PDE10A: variants seen among roughly 807,000 people sequenced by gnomAD.
The protein encoded by PDE10A is cAMP and cAMP-inhibited cGMP 3',5'-cyclic phosphodiesterase 10A.
PDE10A carries 39 observed loss-of-function variants against 97.7 expected under a neutral mutation model. The ratio of observed to expected loss-of-function variants is 0.40; its 90% CI spans 0.31 to 0.52. PDE10A has a LOEUF of 0.52. Ranked by LOEUF, PDE10A falls within the 20% of genes least tolerant of loss-of-function variation. The probability of loss-of-function intolerance (pLI) is 0.56; values close to 1 mark genes in which losing one functional copy is unlikely to be tolerated. For missense variants in PDE10A, 731 were observed against 1,047.8 expected, an observed-to-expected ratio of 0.70 and a Z score of 4.17; for synonymous variants, 371 against 376.8, an observed-to-expected ratio of 0.98 and a Z score of 0.18.
At position 165,778,578 on chromosome 6, in the gene PDE10A, G is replaced by C. The variant is rs148301843; in HGVS notation, c.-615+208951C>G. Among the ~76,000 whole-genome samples, 392 of 152,302 alleles carry C rather than the reference G, an allele frequency of 2.6e-3. 2 individuals are homozygous for C. The highest frequency in any genetic ancestry group is 0.012 in the South Asian group (60 of 4,822). On this transcript the variant is annotated intron_variant, in intron 1 of 19. Coordinates refer to the PDE10A transcript ENST00000366882. ...TCTATAATGAACACGCCTAAGAGTG[G>C]AGTTGCTGCCCCTGGGCTACACAAG...
At chr6:165,929,723 C>T (rs1356842478) in intron 1 of PDE10A, among the ~76,000 whole-genome samples, 6 of 152,350 alleles carry the variant, frequency 3.9e-5, no homozygotes, top group South Asian at 4.1e-4. Flanking sequence ...TGACCGCGTC[C>T]CCACAAGAAA....
chr6:165,821,455 T>A (rs1455116733), intron 1 of PDE10A, among the ~76,000 whole-genome samples: 1 of 152,210 alleles, frequency 6.6e-6, no homozygotes, highest in Non-Finnish European at 1.5e-5. Flanking sequence ...ATAAGAGATG[T>A]CATTTATTTA....
intron 18 of PDE10A, among the ~76,000 whole-genome samples, chr6:165,345,347 T>C (rs1415704393): frequency 1.3e-5 from 2 of 152,192 alleles, no homozygotes; most frequent in African/African-American, 4.8e-5. Context: ...ACTGTCAAAA[T>C]TACTTAGACA....
chr6:165,881,392 C>CTTTTTTTT (rs68159417), intron 1 of PDE10A, among the ~76,000 whole-genome samples: 8 of 106,962 alleles, frequency 7.5e-5, no homozygotes, highest in Admixed American at 1.0e-4. Context: ...TTTTTCTTTT[C>CTTTTTTTT]TTTTTTTTTT....
intron 1 of PDE10A, among the ~76,000 whole-genome samples, chr6:165,702,607 T>A (rs924409611): frequency 1.3e-5 from 2 of 152,144 alleles, no homozygotes; most frequent in Non-Finnish European, 2.9e-5. Flanking sequence ...CCAGGAACAG[T>A]GGCAGCGGGT....
At chr6:165,977,803 G>A (rs900073035) in intron 1 of PDE10A, among the ~76,000 whole-genome samples, 2 of 152,164 alleles carry the variant, frequency 1.3e-5, no homozygotes, top group Non-Finnish European at 2.9e-5. Flanking sequence ...ATGTTGCATA[G>A]CAGTTTTATT....
At chr6:165,556,207 C>T (rs1368433872) in intron 1 of PDE10A, among the ~76,000 whole-genome samples, 1 of 152,114 alleles carries the variant, frequency 6.6e-6, no homozygotes, top group African/African-American at 2.4e-5. Flanking sequence ...TACCTCTAAT[C>T]CCTGCATTGC....
chr6:165,667,166 C>T (rs567615466), upstream of PDE10A, among the ~76,000 whole-genome samples: 7 of 152,292 alleles, frequency 4.6e-5, no homozygotes, highest in African/African-American at 1.7e-4. Context: ...TTAGCTGCCA[C>T]TAATATTCCT....
At chr6:165,696,081 G>A (rs190191338) in intron 1 of PDE10A, among the ~76,000 whole-genome samples, 98 of 152,242 alleles carry the variant, frequency 6.4e-4, no homozygotes, top group Non-Finnish European at 1.1e-3. Flanking sequence ...CAACATCAGA[G>A]ACATGACACT....
intron 1 of PDE10A, among the ~76,000 whole-genome samples, chr6:165,934,864 G>A (rs973779667): frequency 6.6e-6 from 1 of 152,158 alleles, no homozygotes; most frequent in Non-Finnish European, 1.5e-5. Flanking sequence ...GTCACATTTA[G>A]TCTCACATTT....
intron 1 of PDE10A, among the ~76,000 whole-genome samples, chr6:165,811,818 T>C (rs1779290651): frequency 6.6e-6 from 1 of 152,230 alleles, no homozygotes; most frequent in Non-Finnish European, 1.5e-5. Context: ...ATGCTGACGG[T>C]GTGTTTGGTC....
At chr6:165,508,764 T>C (rs1781345323) in intron 2 of PDE10A, among the ~76,000 whole-genome samples, 2 of 152,010 alleles carry the variant, frequency 1.3e-5, no homozygotes, top group Admixed American at 6.6e-5. Flanking sequence ...CATTTTGTCA[T>C]CAACAGTTTT....
At chr6:165,804,708 G>C (rs957804879) in intron 1 of PDE10A, among the ~76,000 whole-genome samples, 3 of 151,966 alleles carry the variant, frequency 2.0e-5, no homozygotes, top group Non-Finnish European at 2.9e-5. Flanking sequence ...CAGAGGCACC[G>C]GCTCGGCTGC....
intron 1 of PDE10A, among the ~76,000 whole-genome samples, chr6:165,697,769 C>G (rs1414000420): frequency 6.6e-6 from 1 of 152,112 alleles, no homozygotes; most frequent in Non-Finnish European, 1.5e-5. Flanking sequence ...TGAAAAAGCT[C>G]TGGAGATGGA....
intron 1 of PDE10A, among the ~76,000 whole-genome samples, chr6:165,624,353 A>G (rs1248263306): frequency 6.6e-6 from 1 of 151,878 alleles, no homozygotes; most frequent in Admixed American, 6.6e-5. Flanking sequence ...ATCTCGGTAC[A>G]CTCTTTATTT....
chr6:165,877,251 G>A (rs904944780), intron 1 of PDE10A, among the ~76,000 whole-genome samples: 2 of 152,080 alleles, frequency 1.3e-5, no homozygotes, highest in African/African-American at 4.8e-5. Flanking sequence ...TTTTGCTCTC[G>A]TGATAAATTC....
intron 1 of PDE10A, among the ~76,000 whole-genome samples, chr6:165,953,704 A>T (rs1164730106): frequency 6.6e-6 from 1 of 152,210 alleles, no homozygotes; most frequent in Non-Finnish European, 1.5e-5. Flanking sequence ...TGCGTCTTGC[A>T]CTAGTGTGGC....
At chr6:165,443,531 A>G (rs1790625172) in intron 5 of PDE10A, among the ~76,000 whole-genome samples, 1 of 152,130 alleles carries the variant, frequency 6.6e-6, no homozygotes, top group Admixed American at 6.5e-5. Context: ...TGGTGGATCT[A>G]CCATTCTAAG....
Position 165,755,334 on chromosome 6 carries a change from G to A in PDE10A, c.-614-211766C>T, listed in dbSNP as rs373905191. ...CCATATTGTAAAATAGCACTTGCGCGTTTTCAGTGTTAAAGAGCTAAATTA... is the reference window on the plus strand; with the variant it reads ...CCATATTGTAAAATAGCACTTGCGCATTTTCAGTGTTAAAGAGCTAAATTA... On this transcript the variant is annotated intron_variant, in intron 1 of 19. Coordinates refer to the PDE10A transcript ENST00000366882. Among the ~76,000 whole-genome samples the A allele has an allele frequency of 1.6e-4, 24 of 152,200 alleles. No homozygotes were observed. In the South Asian group the frequency reaches 4.3e-3, roughly 28 times the overall value.
Sources: gnomAD v4.1 joint callset for allele counts (sites outside exome capture counted in the v4.1 genomes callset) on GRCh38, gnomAD v4.1.1 for gene constraint, MANE v1.5 for transcripts, NCBI Gene and HGNC (gene_info 2026-07-23, HGNC 2026-07-21) for gene names.